ITGAM: variants seen among roughly 807,000 people sequenced by gnomAD.
ITGAM encodes the protein integrin subunit alpha M.
ITGAM carries 79 observed loss-of-function variants against 137.5 expected under a neutral mutation model. The observed-to-expected ratio is 0.57, with a 90% CI of 0.48 to 0.69. The LOEUF (loss-of-function observed/expected upper bound fraction) is 0.69, where lower values mean the gene tolerates loss of function less well. ITGAM is among the 30% of genes least tolerant of loss of function. ITGAM has a pLI of 0.00. For synonymous variants in ITGAM, 583 were observed against 592.3 expected (o/e 0.98, Z 0.23); for missense variants, 1,343 against 1,483.5 (o/e 0.91, Z 1.56).
intron 14 of ITGAM, among the ~76,000 whole-genome samples, chr16:31,302,346 T>C (rs1237242732): frequency 6.6e-6 from 1 of 152,218 alleles, no homozygotes; most frequent in East Asian, 1.9e-4. Context: ...CATTACTTAA[T>C]TAGCCAAAGG....
Position 31,321,269 on chromosome 16 carries a change from G to A in ITGAM, c.1736G>A (p.Arg579Lys), listed in dbSNP as rs1162498600. Residue 579 changes from arginine (R) to lysine (K), a missense_variant, in exon 15 of 30, where the codon AGG becomes AAG. By Grantham distance (26) the Arg-to-Lys change is conservative. Transcript: ENST00000544665. ...ATAGCAGGCTCCAAGCTCTCTCCCA[G>A]GCTCCAGTATTTTGGTCAGTCACTG... ...QRIAGSKLSP[R>K]LQYFGQSLSG... 1 of 1,613,792 alleles carries A rather than the reference G, an allele frequency of 6.2e-7. No homozygotes were observed. The highest frequency in any genetic ancestry group is 8.5e-7 in the Non-Finnish European group (1 of 1,179,890).
chr16:31,312,229 T>C (rs1195163549), intron 14 of ITGAM, among the ~76,000 whole-genome samples: 1 of 151,712 alleles, frequency 6.6e-6, no homozygotes, highest in Non-Finnish European at 1.5e-5. Context: ...GGCACATGTA[T>C]ACATATGTAA....
At chr16:31,296,887 T>C (rs1164898725) in intron 12 of ITGAM, among the ~76,000 whole-genome samples, 1 of 152,228 alleles carries the variant, frequency 6.6e-6, no homozygotes, top group East Asian at 1.9e-4. Context: ...TTTCTTAATA[T>C]CACAACAAAT....
chr16:31,329,139 C>T (rs2080547795), intron 23 of ITGAM, 89 bp from the exon 24 acceptor site: 5 of 766,980 alleles, frequency 6.5e-6, no homozygotes, highest in African/African-American at 1.7e-5. Context: ...ACCCATGTGC[C>T]TGTTCGCTCC....
intron 14 of ITGAM, among the ~76,000 whole-genome samples, chr16:31,300,018 C>A (rs59668899): frequency 0.072 from 11,006 of 152,092 alleles, 1,349 homozygotes; most frequent in African/African-American, 0.25. Flanking sequence ...TCCACCATGC[C>A]TGTCTAATTT....
At chr16:31,310,464 C>G (rs980162978) in intron 14 of ITGAM, among the ~76,000 whole-genome samples, 1 of 152,172 alleles carries the variant, frequency 6.6e-6, no homozygotes, top group African/African-American at 2.4e-5. Context: ...ATCGCTGATA[C>G]CCTTTCTTCC....
intron 14 of ITGAM, among the ~76,000 whole-genome samples, chr16:31,320,997 AC>A (rs1193786672): frequency 6.6e-6 from 1 of 151,898 alleles, no homozygotes; most frequent in Admixed American, 6.6e-5. Flanking sequence ...ACAAAGTGAG[AC>A]CCCCGTTTTT....
At chr16:31,280,968 G>T (rs1014198779) in intron 12 of ITGAM, among the ~76,000 whole-genome samples, 3 of 152,164 alleles carry the variant, frequency 2.0e-5, no homozygotes, top group African/African-American at 7.2e-5. Flanking sequence ...TGCATCTATT[G>T]AGATAATCAC....
chr16:31,269,861 C>A (rs958265914), intron 5 of ITGAM, among the ~76,000 whole-genome samples: 5 of 152,148 alleles, frequency 3.3e-5, no homozygotes, highest in Admixed American at 6.6e-5. Flanking sequence ...ACCTCACTGC[C>A]CTCCTCCCTC....
At chr16:31,281,310 G>T (rs1004544930) in intron 12 of ITGAM, among the ~76,000 whole-genome samples, 11 of 152,120 alleles carry the variant, frequency 7.2e-5, no homozygotes, top group African/African-American at 2.4e-4. Context: ...TCTCCTCCTT[G>T]TACCTCTGGT....
At chr16:31,268,978 T>G (rs1229831758) in intron 5 of ITGAM, among the ~76,000 whole-genome samples, 2 of 152,124 alleles carry the variant, frequency 1.3e-5, no homozygotes. Context: ...AAAGAATAAT[T>G]CACACAGAGC....
At chr16:31,309,926 G>A (rs1208677496) in intron 14 of ITGAM, among the ~76,000 whole-genome samples, 1 of 151,950 alleles carries the variant, frequency 6.6e-6, no homozygotes, top group African/African-American at 2.4e-5. Flanking sequence ...TAGTTTGGCT[G>A]GATATGAAAT....
In ITGAM at chr16:31,278,059, A is replaced by G. The variant is rs1242169240; in HGVS notation, c.1306A>G (p.Arg436Gly). The change falls in exon 12 of 30, where the codon AGG becomes GGG. Residue 436 changes from arginine (R) to glycine (G), a missense_variant. Physicochemically the swap from Arg to Gly is moderately radical, Grantham distance 125. Transcript: ENST00000544665. The part of the protein sequence containing the change: ...YQHIGLVAMF[R>G]QNTGMWESNA... ...GCACATCGGCCTGGTAGCGATGTTC[A>G]GGCAGAACACTGGCATGTGGGAGTC... 6.2e-7 allele frequency: 1 copy of G among 1,608,504 alleles called. No homozygotes were observed. The highest frequency in any genetic ancestry group is 2.2e-5 in the East Asian group (1 of 44,678).
At chr16:31,313,561 T>C (rs1193327248) in intron 14 of ITGAM, among the ~76,000 whole-genome samples, 1 of 152,206 alleles carries the variant, frequency 6.6e-6, no homozygotes, top group Non-Finnish European at 1.5e-5. Flanking sequence ...CATGAACTCA[T>C]TCTCTTTTAT....
chr16:31,328,465 CATGTGTGT>C (rs959913252), intron 23 of ITGAM, among the ~76,000 whole-genome samples: 3 of 149,364 alleles, frequency 2.0e-5, no homozygotes, highest in Non-Finnish European at 4.4e-5. Context: ...GATGTATCTG[CATGTGTGT>C]ATGTGTGCAT....
At chr16:31,272,768 G>A (rs2079865462) in intron 7 of ITGAM, among the ~76,000 whole-genome samples, 1 of 151,414 alleles carries the variant, frequency 6.6e-6, no homozygotes, top group Non-Finnish European at 1.5e-5. Flanking sequence ...ACAAGTGTCA[G>A]CCATAAATAT....
chr16:31,297,039 A>G (rs149541838), intron 12 of ITGAM, among the ~76,000 whole-genome samples: 2,154 of 152,280 alleles, frequency 0.014, 32 homozygotes, highest in Non-Finnish European at 0.024. Flanking sequence ...AGAATTTTCT[A>G]TGTATTTTCC....
chr16:31,325,052 A>C (rs2080492344), intron 19 of ITGAM, 21 bp downstream of exon 19: 2 of 1,596,770 alleles, frequency 1.3e-6, no homozygotes, highest in East Asian at 2.2e-5. Context: ...TTTCCTCCTC[A>C]CCTCCTCCAG....
chr16:31,326,869 T>TGTAGA lies in ITGAM; in HGVS notation c.2642_2643insGTAGA (p.Ile881MetfsTer2), dbSNP rs1465863129. On this transcript the variant is annotated stop_gained and frameshift_variant, in exon 22 of 30. Coordinates refer to ENST00000544665, the MANE Select transcript of ITGAM (RefSeq NM_000632.4). LOFTEE classifies it high-confidence loss of function. ...CTCTCACTCCAGGTCACCTTTAATA[T>TGTAGA]CACGTTTGATGTAGACTCTAAGGCT... 6.2e-7 allele frequency: 1 copy of TGTAGA among 1,611,850 alleles called. No individual in the cohort carries two copies. The highest frequency in any genetic ancestry group is 8.5e-7 in the Non-Finnish European group (1 of 1,177,898).
Sources: gnomAD v4.1 joint callset for allele counts (sites outside exome capture counted in the v4.1 genomes callset) on GRCh38, gnomAD v4.1.1 for gene constraint, MANE v1.5 for transcripts, NCBI Gene and HGNC (gene_info 2026-07-23, HGNC 2026-07-21) for gene names.